Variants in PCDHGA5 observed in about 807,000 individuals in gnomAD.
The protein encoded by PCDHGA5 is protocadherin gamma subfamily A, 5.
A neutral mutation model predicts 56.7 loss-of-function variants in PCDHGA5; 36 were observed. The observed-to-expected ratio is 0.64, with a 90% CI of 0.49 to 0.84. The LOEUF (loss-of-function observed/expected upper bound fraction) is 0.84, where lower values mean the gene tolerates loss of function less well. Among genes scored for constraint, PCDHGA5 ranks in the 40% least tolerant of loss-of-function variants. The pLI is 0.00. For synonymous variants in PCDHGA5, 563 were observed against 520.2 expected, an observed-to-expected ratio of 1.08 and a Z score of -1.12; for missense variants, 1,305 against 1,201.5, an observed-to-expected ratio of 1.09 and a Z score of -1.27.
At position 141,487,763 on chromosome 5, in the gene PCDHGA5, G is replaced by A; in HGVS notation, c.2422-7044G>A. ...AAGAGGTAACTATGTGGTAGACGCT[G>A]TGCTTTGTAACTGTTTCGTGAATTA... On this transcript the variant is annotated intron_variant, in intron 1 of 3. Coordinates refer to ENST00000518069, the MANE Select transcript of PCDHGA5 (RefSeq NM_018918.3). This position sits in a 1 kb window ranked among gnomAD's most constrained non-coding sequence, Gnocchi z 5.0. 6.5e-7 allele frequency: 1 copy of A among 1,544,968 alleles called. No homozygotes were observed. The highest frequency in any genetic ancestry group is 1.2e-5 in the South Asian group (1 of 83,382).
At chr5:141,433,123 C>A in intron 1 of PCDHGA5, 1 of 1,614,116 alleles carries the variant, frequency 6.2e-7, no homozygotes, top group Non-Finnish European at 8.5e-7. Context: ...TTGAAAAAAG[C>A]GAGCCCCTTT....
Position 141,475,871 on chromosome 5 carries a change from A to C in PCDHGA5, c.2422-18936A>C, listed in dbSNP as rs568810142. 35 of 513,270 alleles carry C rather than the reference A, an allele frequency of 6.8e-5. No individual in the cohort carries two copies. The East Asian group carries it at 1.1e-3, about 16-fold the overall frequency. The allele number at this position is 513,270 out of a possible 1,614,324, so 31.8% of individuals were successfully genotyped here. The stretch of plus-strand genomic sequence containing the variant: ...CCCGGCGCTAGCTCATTCTTCGTGC[A>C]GTTATTGGCTGGGACTCTGTGTGCC... On this transcript the variant is annotated intron_variant, in intron 1 of 3. Transcript: ENST00000518069.
intron 1 of PCDHGA5, chr5:141,414,659 T>A (rs566999623): frequency 6.2e-7 from 1 of 1,614,010 alleles, no homozygotes; most frequent in South Asian, 1.1e-5. Flanking sequence ...ATTTACTCCC[T>A]GGCTGAAGAC....
intron 1 of PCDHGA5, among the ~76,000 whole-genome samples, chr5:141,451,106 G>A (rs1204327490): frequency 1.3e-5 from 2 of 152,164 alleles, no homozygotes; most frequent in African/African-American, 4.8e-5. Context: ...GGGATTACAG[G>A]CGTGAGCCAC....
intron 1 of PCDHGA5, among the ~76,000 whole-genome samples, chr5:141,469,859 A>C (rs2099213257): frequency 6.6e-6 from 1 of 152,080 alleles, no homozygotes; most frequent in Non-Finnish European, 1.5e-5. Context: ...GACCGGGTGC[A>C]ATGGCTCACG....
intron 1 of PCDHGA5, among the ~76,000 whole-genome samples, chr5:141,465,788 T>A (rs1322471400): frequency 6.6e-6 from 1 of 152,110 alleles, no homozygotes; most frequent in Non-Finnish European, 1.5e-5. Context: ...AGTTTTTTTT[T>A]TTTTAAGAAA....
intron 1 of PCDHGA5, chr5:141,374,379 G>A (rs1163047741): frequency 6.2e-7 from 1 of 1,614,042 alleles, no homozygotes; most frequent in Non-Finnish European, 8.5e-7. Flanking sequence ...TGTGCTCAGA[G>A]CCCGCGGTGT....
chr5:141,403,353 A>T lies in PCDHGA5; in HGVS notation c.2421+36602A>T, dbSNP rs1335542003. The T allele has an allele frequency of 2.5e-6, 4 of 1,613,932 alleles. No individual in the cohort carries two copies. In the East Asian group the frequency reaches 6.7e-5, roughly 27 times the overall value. ...ATTAACGACAGCGCCCCAAAGTTCC[A>T]GGCCGAAAGTCTGGAAGTAAAAATT... On this transcript the variant is annotated intron_variant, in intron 1 of 3. Coordinates refer to ENST00000518069, the MANE Select transcript of PCDHGA5 (RefSeq NM_018918.3).
At chr5:141,467,344 C>A (rs2099142230) in intron 1 of PCDHGA5, among the ~76,000 whole-genome samples, 1 of 152,122 alleles carries the variant, frequency 6.6e-6, no homozygotes, top group South Asian at 2.1e-4. Flanking sequence ...TAAGCCACTG[C>A]CCCCGGCCAA....
At chr5:141,430,078 T>A (rs911861599) in intron 1 of PCDHGA5, among the ~76,000 whole-genome samples, 2 of 152,282 alleles carry the variant, frequency 1.3e-5, no homozygotes, top group Admixed American at 1.3e-4. Context: ...TTCCATAATA[T>A]CATGAAAATT....
intron 1 of PCDHGA5, among the ~76,000 whole-genome samples, chr5:141,483,767 T>C (rs2099586826): frequency 6.6e-6 from 1 of 151,840 alleles, no homozygotes; most frequent in Non-Finnish European, 1.5e-5. Flanking sequence ...CTTGGAAAAA[T>C]ATTGGGGAAG....
intron 1 of PCDHGA5, chr5:141,428,158 G>A: frequency 6.3e-7 from 1 of 1,577,728 alleles, no homozygotes; most frequent in Non-Finnish European, 8.7e-7. Context: ...GGAACCTGCT[G>A]GTTGCTGTGC....
At chr5:141,375,396 T>C (rs962120197) in intron 1 of PCDHGA5, 56 of 1,613,744 alleles carry the variant, frequency 3.5e-5, no homozygotes, top group Non-Finnish European at 4.6e-5. Context: ...GAAACAATCA[T>C]CTCTCTAAAT....
intron 1 of PCDHGA5, among the ~76,000 whole-genome samples, chr5:141,457,854 C>A (rs2098930903): frequency 6.6e-6 from 1 of 152,234 alleles, no homozygotes; most frequent in African/African-American, 2.4e-5. Flanking sequence ...AAGTGACATT[C>A]TTCACTGACC....
At chr5:141,376,288 G>A (rs753554580) in intron 1 of PCDHGA5, 4 of 1,614,216 alleles carry the variant, frequency 2.5e-6, no homozygotes, top group South Asian at 2.2e-5. Flanking sequence ...TAGCGAGCAT[G>A]CCCGGCTCGC....
chr5:141,475,049 A>G (rs553607902), intron 1 of PCDHGA5, among the ~76,000 whole-genome samples: 81 of 152,346 alleles, frequency 5.3e-4, no homozygotes, highest in African/African-American at 1.8e-3. Context: ...TGTATTTTCT[A>G]AAGATTTGTG....
At position 141,433,401 on chromosome 5, in the gene PCDHGA5, A is replaced by C. The variant is rs181247960; in HGVS notation, c.2422-61406A>C. ...TATCTATCTATCTATCTATCTATCT[A>C]TCTATTACTTTCTTGTACAGACAGG... On this transcript the variant is annotated intron_variant, in intron 1 of 3. Transcript: ENST00000518069. Among the ~76,000 whole-genome samples, 679 of 150,596 alleles carry C rather than the reference A, an allele frequency of 4.5e-3. 8 individuals carry two copies. The highest frequency in any genetic ancestry group is 0.015 in the African/African-American group (630 of 40,956).
At chr5:141,398,079 G>A (rs1409220171) in intron 1 of PCDHGA5, 9 of 1,596,334 alleles carry the variant, frequency 5.6e-6, no homozygotes, top group Middle Eastern at 3.8e-4. Context: ...GAGGTTATTT[G>A]TAACCTGGCG....
rs1444244130 is a variant in PCDHGA5 at position 141,433,401 on chromosome 5, A to ATCTATCTC, written c.2422-61401_2422-61400insCTCTCTAT. The stretch of plus-strand genomic sequence containing the variant: ...TATCTATCTATCTATCTATCTATCT[A>ATCTATCTC]TCTATTACTTTCTTGTACAGACAGG... On this transcript the variant is annotated intron_variant, in intron 1 of 3. Transcript: ENST00000518069. Among the ~76,000 whole-genome samples, 100 of 150,598 alleles carry ATCTATCTC rather than the reference A, an allele frequency of 6.6e-4. 1 individual carries two copies. Among genetic ancestry groups the ATCTATCTC allele is most frequent in the African/African-American group, 2.4e-3 (100 of 40,958 alleles).
Sources: allele counts gnomAD v4.1 joint callset (sites outside exome capture counted in the v4.1 genomes callset), GRCh38; gene constraint gnomAD v4.1.1; non-coding constraint Gnocchi (gnomAD v3.1); transcripts MANE v1.5; gene names NCBI Gene and HGNC (gene_info 2026-07-23, HGNC 2026-07-21).